LMCD1: variants seen among roughly 807,000 people sequenced by gnomAD.
LMCD1 encodes the protein LIM and cysteine-rich domains protein 1.
LMCD1 carries 32 observed loss-of-function variants against 42.7 expected under a neutral mutation model. The ratio of observed to expected loss-of-function variants is 0.75; its 90% confidence interval spans 0.57 to 1.01. The LOEUF (loss-of-function observed/expected upper bound fraction) is 1.01, where lower values mean the gene tolerates loss of function less well. Ranked by LOEUF, LMCD1 falls within the 50% of genes least tolerant of loss-of-function variation. LMCD1 has a pLI of 0.00. For missense variants in LMCD1, 458 were observed against 483.1 expected (o/e 0.95, Z 0.49); for synonymous variants, 178 against 184.9 (o/e 0.96, Z 0.30).
At chr3:8,532,913 T>G in intron 2 of LMCD1, 88 bp downstream of exon 2, 1 of 1,063,712 alleles carries the variant, frequency 9.4e-7, no homozygotes, top group East Asian at 2.4e-5. Flanking sequence ...TCGCTGAGAC[T>G]GCTTTGGTTG....
intron 3 of LMCD1, among the ~76,000 whole-genome samples, chr3:8,546,020 C>A (rs569670304): frequency 7.0e-4 from 106 of 152,214 alleles, no homozygotes; most frequent in African/African-American, 2.4e-3. Context: ...CCAGCCACTC[C>A]GGATTCTCCT....
At chr3:8,561,196 A>T (rs993462633) in intron 4 of LMCD1, among the ~76,000 whole-genome samples, 51 of 152,250 alleles carry the variant, frequency 3.3e-4, no homozygotes, top group African/African-American at 1.2e-3. Context: ...CTAAGTTTAA[A>T]TTAGCATCTA....
intron 1 of LMCD1, among the ~76,000 whole-genome samples, chr3:8,502,734 T>C (rs9861544): frequency 0.41 from 62,776 of 151,658 alleles, 13,990 homozygotes; most frequent in Non-Finnish European, 0.51. Context: ...CAGAAGGTCA[T>C]GGGTAAACTC....
At position 8,548,553 on chromosome 3, in the gene LMCD1, C is replaced by T; in HGVS notation, c.388-15C>T. On this transcript the variant is annotated splice_polypyrimidine_tract_variant and intron_variant, in intron 3 of 5. Transcript: ENST00000157600. ...CATCCACATCATGTTGTCTCTTCCT[C>T]CTCCTCCTCCCTAGGGACTGCAGTA... 6.4e-7 allele frequency: 1 copy of T among 1,569,388 alleles called. No homozygotes were observed. Among genetic ancestry groups the T allele is most frequent in the Non-Finnish European group, 8.7e-7 (1 of 1,150,986 alleles).
At chr3:8,554,164 C>A (rs562903396) in intron 4 of LMCD1, among the ~76,000 whole-genome samples, 1 of 152,210 alleles carries the variant, frequency 6.6e-6, no homozygotes, top group Non-Finnish European at 1.5e-5. Flanking sequence ...CCCGCCTCAA[C>A]CTCCCAAGTA....
chr3:8,565,342 G>A (rs1184052062), intron 4 of LMCD1, 90 bp from the exon 5 acceptor site: 5 of 1,150,022 alleles, frequency 4.3e-6, no homozygotes, highest in African/African-American at 3.0e-5. Context: ...GGTCACCCAG[G>A]AAGTAGAAAG....
intron 1 of LMCD1, among the ~76,000 whole-genome samples, chr3:8,516,975 T>C (rs750231746): frequency 6.6e-6 from 1 of 152,230 alleles, no homozygotes; most frequent in African/African-American, 2.4e-5. Flanking sequence ...CCAGGCATTG[T>C]GCTACATCAT....
intron 1 of LMCD1, among the ~76,000 whole-genome samples, chr3:8,513,259 T>G (rs1694035181): frequency 6.6e-6 from 1 of 152,154 alleles, no homozygotes; most frequent in African/African-American, 2.4e-5. Context: ...GCATCTATAT[T>G]TTGGGTTTCT....
intron 4 of LMCD1, chr3:8,550,672 A>T: frequency 1.0e-6 from 1 of 985,194 alleles, no homozygotes; most frequent in Non-Finnish European, 1.2e-6. Context: ...ACATGTCCTA[A>T]GGATGTAAAA....
At chr3:8,522,233 G>C (rs1694220936) in intron 1 of LMCD1, among the ~76,000 whole-genome samples, 1 of 152,138 alleles carries the variant, frequency 6.6e-6, no homozygotes, top group South Asian at 2.1e-4. Flanking sequence ...GTCAGCCTTG[G>C]TGGTCTCCAA....
chr3:8,520,903 C>G (rs1694192746), intron 1 of LMCD1, among the ~76,000 whole-genome samples: 1 of 152,134 alleles, frequency 6.6e-6, no homozygotes, highest in Non-Finnish European at 1.5e-5. Flanking sequence ...GCAGGTAGCC[C>G]CTCAAATAAC....
chr3:8,516,176 G>A (rs552371573), intron 1 of LMCD1, among the ~76,000 whole-genome samples: 89 of 152,142 alleles, frequency 5.8e-4, no homozygotes, highest in African/African-American at 2.1e-3. Flanking sequence ...TCTCTTTCTG[G>A]CTGGACATCT....
At chr3:8,563,948 A>G (rs1319263687) in intron 4 of LMCD1, among the ~76,000 whole-genome samples, 1 of 152,214 alleles carries the variant, frequency 6.6e-6, no homozygotes, top group East Asian at 1.9e-4. Context: ...ACACCTGACC[A>G]GTACTCCTCA....
At chr3:8,519,371 A>T (rs150834389) in intron 1 of LMCD1, among the ~76,000 whole-genome samples, 291 of 152,320 alleles carry the variant, frequency 1.9e-3, no homozygotes, top group African/African-American at 6.8e-3. Flanking sequence ...TTCCTGGGAC[A>T]TATGGTTAAA....
Position 8,537,433 on chromosome 3 carries a change from A to G in LMCD1, c.380A>G (p.Gln127Arg). ...GAGTGGGCTCCCCCTGGAGTCACCC[A>G]GAAACTGGTAAGAGAGCTTCCCCAA... ...TYEWAPPGVT[Q>R]KLGLQYMELI... The change falls in exon 3 of 6, where the codon CAG becomes CGG. Residue 127 changes from glutamine (Q) to arginine (R), a missense_variant. Gln to Arg is a conservative substitution (Grantham distance 43). Coordinates refer to ENST00000157600, the MANE Select transcript of LMCD1 (RefSeq NM_014583.4). 6.3e-7 allele frequency: 1 copy of G among 1,579,014 alleles called. No homozygotes were observed. Among genetic ancestry groups the G allele is most frequent in the East Asian group, 2.3e-5 (1 of 44,314 alleles).
intron 1 of LMCD1, 64 bp from the exon 2 acceptor site, chr3:8,532,673 G>C: frequency 1.4e-6 from 2 of 1,418,396 alleles, no homozygotes; most frequent in East Asian, 4.6e-5. Context: ...GTCTTTTAGA[G>C]GTCAAGCATC....
intron 1 of LMCD1, among the ~76,000 whole-genome samples, chr3:8,505,453 G>A (rs1693860880): frequency 6.6e-6 from 1 of 152,162 alleles, no homozygotes; most frequent in Non-Finnish European, 1.5e-5. Context: ...AGGCCCAGAG[G>A]GATCAAGCTC....
In LMCD1 at chr3:8,569,091, C is replaced by G. The variant is rs887600507; in HGVS notation, c.*1493C>G. On this transcript the variant is annotated 3_prime_UTR_variant, in exon 6 of 6. Transcript: ENST00000157600. Reference sequence around the variant, plus strand: ...TTTCAAGTGTGTCATTTCCTTCACTCAATCTCCATGGCTCTTCATTGCCTG... The same window carrying G: ...TTTCAAGTGTGTCATTTCCTTCACTGAATCTCCATGGCTCTTCATTGCCTG... 6 of 152,230 alleles carry G rather than the reference C, an allele frequency of 3.9e-5. No individual in the cohort carries two copies. Among genetic ancestry groups the G allele is most frequent in the African/African-American group, 1.4e-4 (6 of 41,446 alleles). The allele number at this position is 152,230 out of a possible 1,614,324, so 9.4% of individuals were successfully genotyped here. A position where few individuals can be genotyped will look rare whatever the true frequency, so the allele number is the denominator to read the frequency against.
At chr3:8,556,313 G>A (rs1694932798) in intron 4 of LMCD1, among the ~76,000 whole-genome samples, 1 of 152,078 alleles carries the variant, frequency 6.6e-6, no homozygotes, top group Admixed American at 6.6e-5. Flanking sequence ...CATCAATTTA[G>A]TGGACTACAA....
Sources: gnomAD v4.1 joint callset for allele counts (sites outside exome capture counted in the v4.1 genomes callset) on GRCh38, gnomAD v4.1.1 for gene constraint, MANE v1.5 for transcripts, NCBI Gene and HGNC (gene_info 2026-07-23, HGNC 2026-07-21) for gene names.